The following RPS6KA2 variants were observed in gnomAD, a reference collection of about 807,000 sequenced individuals.
The protein encoded by RPS6KA2 is ribosomal protein S6 kinase A2.
Under a neutral mutation model 91.8 loss-of-function variants are expected in RPS6KA2, and 42 were observed. The ratio of observed to expected loss-of-function variants is 0.46; its 90% CI spans 0.36 to 0.59. RPS6KA2 has a LOEUF of 0.59. Among genes scored for constraint, RPS6KA2 ranks in the 20% least tolerant of loss-of-function variants. The probability of loss-of-function intolerance (pLI) is 0.00; values close to 1 mark genes in which losing one functional copy is unlikely to be tolerated. For synonymous variants in RPS6KA2, 414 were observed against 393.6 expected (o/e 1.05, Z -0.61); for missense variants, 798 against 978.5 (o/e 0.82, Z 2.46).
At chr6:166,432,620 C>T in intron 14 of RPS6KA2, 130 bp from the exon 15 acceptor site, 1 of 578,622 alleles carries the variant, frequency 1.7e-6, no homozygotes, top group South Asian at 2.2e-5. Context: ...CACACCCGAC[C>T]AAGAGATAAC....
At chr6:166,762,262 G>A (rs1408803200) in intron 2 of RPS6KA2, among the ~76,000 whole-genome samples, 1 of 152,074 alleles carries the variant, frequency 6.6e-6, no homozygotes, top group Non-Finnish European at 1.5e-5. Context: ...TCCCTCAGAC[G>A]CAAAACCGAA....
intron 2 of RPS6KA2, among the ~76,000 whole-genome samples, chr6:166,695,131 G>C (rs535891785): frequency 6.6e-6 from 1 of 152,340 alleles, no homozygotes; most frequent in Admixed American, 6.5e-5. Context: ...TATGGCTGCT[G>C]TGCAGTGAGT....
chr6:166,744,114 G>T (rs1416901788), intron 2 of RPS6KA2, among the ~76,000 whole-genome samples: 2 of 152,118 alleles, frequency 1.3e-5, no homozygotes, highest in African/African-American at 4.8e-5. Context: ...ATAGACAGGG[G>T]TAAACACCCA....
rs1312724340 is a variant in RPS6KA2 at position 166,748,597 on chromosome 6, CAGGCCCCCATTTCCCT to C, written c.123+109587_123+109602del. On this transcript the variant is annotated intron_variant, in intron 2 of 21. Transcript: ENST00000503859. Reference sequence around the variant, plus strand: ...CCACCTCCTCGGGCCCCCATTTCCTCAGGCCCCCATTTCCCTGGGCCCCCACCTCCTCAGGCCCCCA... The same window carrying C: ...CCACCTCCTCGGGCCCCCATTTCCTCGGGCCCCCACCTCCTCAGGCCCCCA... Among the ~76,000 whole-genome samples the C allele has an allele frequency of 5.7e-4, 49 of 85,218 alleles. 1 individual carries two copies. The highest frequency in any genetic ancestry group is 1.9e-3 in the African/African-American group (36 of 19,388). The allele number at this position is 85,218 out of a possible 152,430, so 55.9% of individuals were successfully genotyped here. A position where few individuals can be genotyped will look rare whatever the true frequency, so the allele number is the denominator to read the frequency against.
intron 2 of RPS6KA2, among the ~76,000 whole-genome samples, chr6:166,697,558 TA>T (rs1263482859): frequency 1.3e-5 from 2 of 152,232 alleles, no homozygotes; most frequent in Non-Finnish European, 2.9e-5. Flanking sequence ...TGACCCAGTT[TA>T]AACTCTGCAA....
intron 1 of RPS6KA2, among the ~76,000 whole-genome samples, chr6:166,600,844 T>C (rs1785707183): frequency 6.6e-6 from 1 of 152,252 alleles, no homozygotes; most frequent in Non-Finnish European, 1.5e-5. Context: ...ATTGGTCTTA[T>C]CAAAATCAGT....
Position 166,423,315 on chromosome 6 carries a change from G to A in RPS6KA2, c.1684C>T (p.Arg562Cys). ...GTCATGAGCAGCCCGTTCCCCGCGC[G>A]CAGCTGCTTGGCAAAGCCGAAGTCG... is the stretch of plus-strand genomic sequence containing the variant. Reference protein sequence around the residue: ...VCDFGFAKQLRAGNGLLMTPC... With the variant: ...VCDFGFAKQLCAGNGLLMTPC... The change falls in exon 17 of 21, where the codon CGC becomes TGC. Residue 562 changes from arginine (R) to cysteine (C), a missense_variant. Coordinates refer to ENST00000265678, the MANE Select transcript of RPS6KA2 (RefSeq NM_021135.6). This position sits in a 1 kb window ranked among gnomAD's most constrained non-coding sequence, Gnocchi z 4.8. The A allele has an allele frequency of 2.5e-6, 4 of 1,614,054 alleles. No homozygotes were observed. Among genetic ancestry groups the A allele is most frequent in the South Asian group, 1.1e-5 (1 of 91,086 alleles).
At chr6:166,509,160 C>G (rs1782374601) in intron 4 of RPS6KA2, among the ~76,000 whole-genome samples, 1 of 152,224 alleles carries the variant, frequency 6.6e-6, no homozygotes, top group Non-Finnish European at 1.5e-5. Context: ...CTAGAAAGCC[C>G]TCTGCCAGGA....
chr6:166,673,818 T>C (rs553963761), intron 2 of RPS6KA2, among the ~76,000 whole-genome samples: 2 of 152,390 alleles, frequency 1.3e-5, no homozygotes, highest in African/African-American at 4.8e-5. Flanking sequence ...CCTGCCAAAC[T>C]AAGCTTGCCG....
At chr6:166,505,814 T>C (rs1365860020) in intron 5 of RPS6KA2, among the ~76,000 whole-genome samples, 1 of 152,230 alleles carries the variant, frequency 6.6e-6, no homozygotes, top group African/African-American at 2.4e-5. Flanking sequence ...TATGTTTCTT[T>C]TCTAGATCGG....
At chr6:166,598,429 G>A (rs1054985388) in intron 1 of RPS6KA2, among the ~76,000 whole-genome samples, 1 of 152,198 alleles carries the variant, frequency 6.6e-6, no homozygotes, top group East Asian at 1.9e-4. Flanking sequence ...GCAAAATTAA[G>A]ACTGGATTCT....
At chr6:166,505,425 C>T (rs908595468) in intron 5 of RPS6KA2, among the ~76,000 whole-genome samples, 3 of 152,210 alleles carry the variant, frequency 2.0e-5, no homozygotes, top group Non-Finnish European at 2.9e-5. Flanking sequence ...TTAGAATCAG[C>T]ACATAGATTT....
At chr6:166,741,068 TCC>T (rs1239481391) in intron 2 of RPS6KA2, among the ~76,000 whole-genome samples, 3 of 152,154 alleles carry the variant, frequency 2.0e-5, no homozygotes, top group Non-Finnish European at 4.4e-5. Flanking sequence ...CAGGCGCTCA[TCC>T]AAAGGGGTAC....
In RPS6KA2 at chr6:166,500,265, C is replaced by A. The variant is rs1781977459; in HGVS notation, c.604+622G>T. ...GTGATAAGTTTGTGTGGTTTAAAGCCCCGATGTTCCTGGCATTTTGTTGCA... is the reference window on the plus strand; with the variant it reads ...GTGATAAGTTTGTGTGGTTTAAAGCACCGATGTTCCTGGCATTTTGTTGCA... On this transcript the variant is annotated intron_variant, in intron 7 of 20. Transcript: ENST00000265678. The surrounding 1 kb of genome is among the most constrained non-coding windows in gnomAD (Gnocchi z 4.3). 6.6e-6 allele frequency among the ~76,000 whole-genome samples: 1 copy of A among 152,178 alleles called. No individual in the cohort carries two copies. The highest frequency in any genetic ancestry group is 1.5e-5 in the Non-Finnish European group (1 of 68,024).
intron 2 of RPS6KA2, among the ~76,000 whole-genome samples, chr6:166,756,648 G>T (rs2128601228): frequency 6.6e-6 from 1 of 152,258 alleles, no homozygotes; most frequent in Middle Eastern, 3.4e-3. Context: ...AGGAGTTCGA[G>T]ACCAACCTGA....
rs1201679057 is a variant in RPS6KA2 at position 166,434,739 on chromosome 6, C to T, written c.1333-2249G>A. 6.6e-6 allele frequency among the ~76,000 whole-genome samples: 1 copy of T among 152,160 alleles called. No individual in the cohort carries two copies. Among genetic ancestry groups the T allele is most frequent in the Non-Finnish European group, 1.5e-5 (1 of 68,040 alleles). On this transcript the variant is annotated intron_variant, in intron 14 of 20. Transcript: ENST00000265678. This position sits in a 1 kb window ranked among gnomAD's most constrained non-coding sequence, Gnocchi z 4.4. ...ATCACTCTCACAGTGGAACAAGATGCAGAGTAAACAAGAAAGTGGGAGCTT... is the reference window on the plus strand; with the variant it reads ...ATCACTCTCACAGTGGAACAAGATGTAGAGTAAACAAGAAAGTGGGAGCTT...
intron 1 of RPS6KA2, among the ~76,000 whole-genome samples, chr6:166,548,898 G>A (rs1222136587): frequency 6.6e-6 from 1 of 152,176 alleles, no homozygotes; most frequent in African/African-American, 2.4e-5. Context: ...GAAAAGACAA[G>A]CTATAGAGTG....
intron 2 of RPS6KA2, among the ~76,000 whole-genome samples, chr6:166,658,659 T>C (rs1788068660): frequency 6.6e-6 from 1 of 152,210 alleles, no homozygotes; most frequent in Admixed American, 6.5e-5. Context: ...GAGACACTGA[T>C]AATGATAAAA....
chr6:166,621,805 G>A lies in RPS6KA2; in HGVS notation c.99+5116C>T, dbSNP rs191276814. Among the ~76,000 whole-genome samples the A allele has an allele frequency of 3.2e-3, 480 of 152,238 alleles. 1 individual carries two copies. The highest frequency in any genetic ancestry group is 0.01 in the African/African-American group (433 of 41,530). On this transcript the variant is annotated intron_variant, in intron 1 of 20. Transcript: ENST00000265678. ...CAGCTCCCTGAAGGTCCCCAAGGCC[G>A]CACACATCTCTGGTTGACCCGAACG...
Sources: gnomAD v4.1 joint callset for allele counts (sites outside exome capture counted in the v4.1 genomes callset) on GRCh38, gnomAD v4.1.1 for gene constraint, Gnocchi (gnomAD v3.1) non-coding constraint, MANE v1.5 for transcripts, NCBI Gene and HGNC (gene_info 2026-07-23, HGNC 2026-07-21) for gene names.